The following FRMD5 variants were observed in gnomAD, a reference collection of about 807,000 sequenced individuals.
FRMD5 encodes FERM domain-containing protein 5.
In FRMD5, 20 loss-of-function variants were observed where a neutral mutation model predicts 69.0. That is an observed-to-expected ratio of 0.29 (90% confidence interval 0.20 to 0.42). The LOEUF is 0.42. Among genes scored for constraint, FRMD5 ranks in the 10% least tolerant of loss-of-function variants. FRMD5 has a pLI of 1.00. For synonymous variants in FRMD5, 271 were observed against 260.1 expected (o/e 1.04, Z -0.40); for missense variants, 595 against 708.6 (o/e 0.84, Z 1.82).
At chr15:44,128,563 T>C (rs1781489278) in intron 1 of FRMD5, among the ~76,000 whole-genome samples, 1 of 152,206 alleles carries the variant, frequency 6.6e-6, no homozygotes, top group South Asian at 2.1e-4. Context: ...GATTAAGATA[T>C]ATGGTAGGCA....
intron 7 of FRMD5, among the ~76,000 whole-genome samples, chr15:43,898,659 C>T (rs2088972520): frequency 6.6e-6 from 1 of 152,170 alleles, no homozygotes; most frequent in South Asian, 2.1e-4. Context: ...GATGGTGGCT[C>T]CTGAAGTTGG....
intron 1 of FRMD5, among the ~76,000 whole-genome samples, chr15:44,107,680 T>C (rs1457111942): frequency 6.6e-6 from 1 of 152,230 alleles, no homozygotes; most frequent in African/African-American, 2.4e-5. Context: ...TAAAAAATGT[T>C]AATGAGATTT....
At chr15:43,896,654 C>T (rs2088916680) in intron 7 of FRMD5, among the ~76,000 whole-genome samples, 1 of 152,200 alleles carries the variant, frequency 6.6e-6, no homozygotes, top group Non-Finnish European at 1.5e-5. Flanking sequence ...CCACCAGTTC[C>T]ATTTCCAGAT....
At chr15:44,113,010 G>A (rs1426196200) in intron 1 of FRMD5, among the ~76,000 whole-genome samples, 1 of 152,192 alleles carries the variant, frequency 6.6e-6, no homozygotes, top group African/African-American at 2.4e-5. Context: ...AGCCAGATGA[G>A]AAGGGGGTCT....
chr15:44,010,119 G>C (rs887416014), intron 1 of FRMD5, among the ~76,000 whole-genome samples: 33 of 152,166 alleles, frequency 2.2e-4, no homozygotes, highest in African/African-American at 8.0e-4. Flanking sequence ...GATTGATCAG[G>C]CTATTGTTGA....
chr15:44,051,704 T>A (rs1258336914), intron 1 of FRMD5, among the ~76,000 whole-genome samples: 1 of 152,164 alleles, frequency 6.6e-6, no homozygotes, highest in East Asian at 1.9e-4. Context: ...TTTTCCTTGT[T>A]TTTTTATGAT....
intron 13 of FRMD5, among the ~76,000 whole-genome samples, chr15:43,875,460 T>C (rs900815966): frequency 4.6e-5 from 7 of 150,790 alleles, no homozygotes; most frequent in African/African-American, 1.7e-4. Context: ...TTCTTTGCTT[T>C]TTGCTTACGG....
At chr15:44,066,018 A>T (rs1893295942) in intron 1 of FRMD5, among the ~76,000 whole-genome samples, 1 of 152,140 alleles carries the variant, frequency 6.6e-6, no homozygotes, top group Non-Finnish European at 1.5e-5. Context: ...TTTTTCAAAA[A>T]CAAAACTGAC....
At chr15:43,885,079 A>C (rs2088630778) in intron 11 of FRMD5, 1 of 371,456 alleles carries the variant, frequency 2.7e-6, no homozygotes. Context: ...ATTACATCAC[A>C]AAAAAACACA....
Position 43,989,768 on chromosome 15 carries a change from C to T in FRMD5, c.103-65459G>A, listed in dbSNP as rs549850978. Reference sequence around the variant, plus strand: ...AGGCCAGAGGTGTACAGGGACAGCACGGCCTGGATGGCCACGTACATGGCT... The same window carrying T: ...AGGCCAGAGGTGTACAGGGACAGCATGGCCTGGATGGCCACGTACATGGCT... On this transcript the variant is annotated intron_variant, in intron 1 of 13. Coordinates refer to ENST00000417257, the MANE Select transcript of FRMD5 (RefSeq NM_032892.5). 2,076 of 995,450 alleles carry T rather than the reference C, an allele frequency of 2.1e-3. 25 individuals are homozygous for T. The highest frequency in any genetic ancestry group is 2.7e-3 in the Non-Finnish European group (1,703 of 627,450). 61.7% of individuals were successfully genotyped at this position (995,450 alleles called of 1,614,324 possible).
At chr15:43,956,536 C>T (rs910530414) in intron 1 of FRMD5, among the ~76,000 whole-genome samples, 1 of 151,944 alleles carries the variant, frequency 6.6e-6, no homozygotes, top group Admixed American at 6.6e-5. Context: ...ATTAGAAACA[C>T]CTGCTCAATT....
At chr15:44,172,375 A>G (rs986199431) in intron 1 of FRMD5, among the ~76,000 whole-genome samples, 2 of 148,088 alleles carry the variant, frequency 1.4e-5, no homozygotes, top group African/African-American at 2.5e-5. Context: ...TGGCCTCCCA[A>G]CCAAAGTGCT....
At chr15:44,026,031 G>A (rs1394650976) in intron 1 of FRMD5, among the ~76,000 whole-genome samples, 1 of 152,172 alleles carries the variant, frequency 6.6e-6, no homozygotes, top group African/African-American at 2.4e-5. Context: ...AGGCTAGAGT[G>A]CAGTGGCACC....
intron 12 of FRMD5, among the ~76,000 whole-genome samples, chr15:43,884,123 GA>G (rs1365858020): frequency 6.6e-6 from 1 of 152,096 alleles, no homozygotes; most frequent in Non-Finnish European, 1.5e-5. Context: ...CAGTACTCCT[GA>G]AAATATGCCT....
chr15:44,023,753 C>T (rs1398531387), intron 1 of FRMD5, among the ~76,000 whole-genome samples: 1 of 152,104 alleles, frequency 6.6e-6, no homozygotes, highest in African/African-American at 2.4e-5. Flanking sequence ...TTGAATGTCA[C>T]TTTTTACTAT....
intron 1 of FRMD5, among the ~76,000 whole-genome samples, chr15:44,102,076 T>G (rs888907927): frequency 2.0e-5 from 3 of 152,222 alleles, no homozygotes; most frequent in African/African-American, 7.2e-5. Context: ...TTATCCATTC[T>G]TTGCATACCT....
intron 1 of FRMD5, among the ~76,000 whole-genome samples, chr15:44,092,817 A>G (rs779275334): frequency 2.0e-5 from 3 of 152,016 alleles, no homozygotes; most frequent in Non-Finnish European, 2.9e-5. Context: ...AATGTCCTTC[A>G]TAAAGTCTTT....
intron 1 of FRMD5, among the ~76,000 whole-genome samples, chr15:44,021,871 T>C (rs898910504): frequency 2.0e-5 from 3 of 152,056 alleles, no homozygotes; most frequent in African/African-American, 7.2e-5. Context: ...TTCTTCACAA[T>C]AGCCAAAAGG....
At chr15:43,882,328 T>G (rs188473469) in intron 13 of FRMD5, among the ~76,000 whole-genome samples, 52 of 152,102 alleles carry the variant, frequency 3.4e-4, no homozygotes, top group African/African-American at 1.2e-3. Context: ...CCTGAGACAG[T>G]GGTAAGATAT....
Sources: allele counts gnomAD v4.1 joint callset (sites outside exome capture counted in the v4.1 genomes callset), GRCh38; gene constraint gnomAD v4.1.1; transcripts MANE v1.5; gene names NCBI Gene and HGNC (gene_info 2026-07-23, HGNC 2026-07-21).